Variants in MAN1B1 observed in about 807,000 individuals in gnomAD.
MAN1B1 encodes the protein mannosidase alpha class 1B member 1, also known as endoplasmic reticulum mannosyl-oligosaccharide 1,2-alpha-mannosidase.
Under a neutral mutation model 75.5 loss-of-function variants are expected in MAN1B1, and 66 were observed. That is an observed-to-expected ratio of 0.87 (90% CI 0.72 to 1.07). The LOEUF is 1.07. Among genes scored for constraint, MAN1B1 ranks in the 50% least tolerant of loss-of-function variants. The pLI is 0.00. For missense variants in MAN1B1, 973 were observed against 912.5 expected (o/e 1.07, Z -0.85); for synonymous variants, 453 against 382.8 (o/e 1.18, Z -2.14).
intron 10 of MAN1B1, 80 bp from the exon 11 acceptor site, chr9:137,107,170 C>A: frequency 6.8e-7 from 1 of 1,474,742 alleles, no homozygotes; most frequent in Non-Finnish European, 9.3e-7. Context: ...CAGCGCTGGG[C>A]TCCCACGTTG....
chr9:137,096,350 G>A lies in MAN1B1; in HGVS notation c.579G>A (p.Val193=). ...CCACAAAAAGGCAAGAAGCCCCTGT[G>A]GATCCCCGCCCGGAAGGAGATCCGC... ...EEATKRQEAP[V]DPRPEGDPQR... The change falls in exon 4 of 13, where the codon GTG becomes GTA. Residue 193 remains valine, a synonymous_variant. Transcript: ENST00000371589. 1 of 1,613,944 alleles carries A rather than the reference G, an allele frequency of 6.2e-7. No individual in the cohort carries two copies. The highest frequency in any genetic ancestry group is 8.5e-7 in the Non-Finnish European group (1 of 1,180,016).
intron 7 of MAN1B1, 38 bp from the exon 8 acceptor site, chr9:137,101,446 G>T: frequency 6.2e-7 from 1 of 1,600,232 alleles, no homozygotes; most frequent in Non-Finnish European, 8.6e-7. Context: ...GCCTCTGGGT[G>T]ACCTGAACGT....
chr9:137,087,999 C>T (rs898651744), intron 1 of MAN1B1, 76 bp from the exon 2 acceptor site: 40 of 1,133,064 alleles, frequency 3.5e-5, no homozygotes, highest in Non-Finnish European at 5.0e-5. Context: ...TCCTTATTGT[C>T]CTCACAGTTT....
rs374022957 is a variant in MAN1B1, at chr9:137,103,451, TACAC to T, written c.1254+1783_1254+1786del. ...GTGCAGGCATGCAGGTCGGTGGTGT[TACAC>T]ACAACGCTGTTGCAGGCGTGCAGGT... On this transcript the variant is annotated intron_variant, in intron 8 of 12. Coordinates refer to ENST00000371589, the MANE Select transcript of MAN1B1 (RefSeq NM_016219.5). 3.0e-3 allele frequency: 1,266 copies of T among 417,040 alleles called. 15 individuals carry two copies. The highest frequency in any genetic ancestry group is 0.022 in the African/African-American group (884 of 40,388). The allele number at this position is 417,040 out of a possible 1,614,324, so 25.8% of individuals were successfully genotyped here. A position where few individuals can be genotyped will look rare whatever the true frequency, so the allele number is the denominator to read the frequency against.
Position 137,101,092 on chromosome 9 carries a change from TC to T in MAN1B1, c.1006del (p.Leu336TrpfsTer5), listed in dbSNP as rs1192380469. 2 of 1,614,056 alleles carry T rather than the reference TC, an allele frequency of 1.2e-6. No individual in the cohort carries two copies. Among genetic ancestry groups the T allele is most frequent in the Non-Finnish European group, 1.7e-6 (2 of 1,180,044 alleles). ...AACCTGTTTGAGAGCACGATCCGCATCCTGGGGGGGCTCCTGAGTGCCTACC... is the reference window on the plus strand; with the variant it reads ...AACCTGTTTGAGAGCACGATCCGCATCTGGGGGGGCTCCTGAGTGCCTACC... ...DVNLFESTIR[I>X]LGGLLSAYHL... On this transcript the variant is annotated frameshift_variant, in exon 7 of 13. Transcript: ENST00000371589. LOFTEE classifies it high-confidence loss of function.
chr9:137,104,213 G>T, intron 8 of MAN1B1: 2 of 379,948 alleles, frequency 5.3e-6, no homozygotes, highest in Admixed American at 3.3e-5. Context: ...TCGTGTGAGT[G>T]CAGTCACACA....
At position 137,108,430 on chromosome 9, in the gene MAN1B1, C is replaced by T. The variant is rs752302022; in HGVS notation, c.1939C>T (p.Pro647Ser). Reference protein sequence around the residue: ...GYSSINNVQDPQKPEPRDKME... With the variant: ...GYSSINNVQDSQKPEPRDKME... Reference sequence around the variant, plus strand: ...TTCTTCCATCAACAATGTCCAGGATCCTCAGAAGCCCGAGCCTAGGGACAA... The same window carrying T: ...TTCTTCCATCAACAATGTCCAGGATTCTCAGAAGCCCGAGCCTAGGGACAA... Residue 647 changes from proline to serine, a missense_variant, in exon 13 of 13, where the codon CCT becomes TCT. Physicochemically the swap from Pro to Ser is moderately conservative, Grantham distance 74. Transcript: ENST00000371589. 1 of 1,613,912 alleles carries T rather than the reference C, an allele frequency of 6.2e-7. No homozygotes were observed. The highest frequency in any genetic ancestry group is 1.1e-5 in the South Asian group (1 of 91,086).
chr9:137,108,274 C>T (rs1831188701), intron 12 of MAN1B1, 114 bp from the exon 13 acceptor site: 2 of 974,118 alleles, frequency 2.1e-6, no homozygotes, highest in Non-Finnish European at 3.2e-6. Flanking sequence ...GCCCTCCACC[C>T]TGAGCTTGCG....
At chr9:137,089,345 A>T in intron 3 of MAN1B1, 1 of 378,458 alleles carries the variant, frequency 2.6e-6, no homozygotes, top group Non-Finnish European at 5.0e-6. Flanking sequence ...TGTACATCCT[A>T]TGTGGAAAAG....
intron 4 of MAN1B1, 44 bp downstream of exon 4, chr9:137,096,435 A>G (rs755039061): frequency 8.1e-6 from 13 of 1,603,454 alleles, no homozygotes; most frequent in Non-Finnish European, 1.1e-5. Context: ...TCAGGGCTTG[A>G]TGTTCCGAAA....
Position 137,099,959 on chromosome 9 carries a change from G to A in MAN1B1, c.916+78G>A, listed in dbSNP as rs117114693. On this transcript the variant is annotated intron_variant, in intron 6 of 12. Coordinates refer to ENST00000371589, the MANE Select transcript of MAN1B1 (RefSeq NM_016219.5). ...CTGAGGCAGAGTGTGGGTTGCACAC[G>A]GGGTGAAAGCTGCTGTTTGCATCTG... 0.028 allele frequency: 42,920 copies of A among 1,525,098 alleles called. 719 individuals carry two copies. The highest frequency in any genetic ancestry group is 0.04 in the Middle Eastern group (215 of 5,400). 94.5% of individuals were successfully genotyped at this position (1,525,098 alleles called of 1,614,324 possible).
At chr9:137,101,382 A>AC in intron 7 of MAN1B1, 102 bp from the exon 8 acceptor site, 1 of 1,225,734 alleles carries the variant, frequency 8.2e-7, no homozygotes, top group Non-Finnish European at 1.2e-6. Flanking sequence ...TGCTGTGTTG[A>AC]CCCCAGAGAG....
chr9:137,088,833 T>C (rs1275115166), intron 2 of MAN1B1, 36 bp from the exon 3 acceptor site: 1 of 1,612,658 alleles, frequency 6.2e-7, no homozygotes. Context: ...GTAGGCCTTG[T>C]GGCATATTTG....
chr9:137,106,095 G>A (rs747122367), intron 8 of MAN1B1, 30 bp from the exon 9 acceptor site: 2 of 1,598,062 alleles, frequency 1.3e-6, no homozygotes, highest in African/African-American at 1.3e-5. Flanking sequence ...GCCCTGGCCA[G>A]TAAACCCACC....
Position 137,101,635 on chromosome 9 carries a change from G to C in MAN1B1, c.1217G>C (p.Arg406Pro), listed in dbSNP as rs768531325. The C allele has an allele frequency of 1.2e-6, 2 of 1,613,236 alleles. No homozygotes were observed. The highest frequency in any genetic ancestry group is 1.1e-5 in the South Asian group (1 of 91,084). Reference sequence around the variant, plus strand: ...GTGACCAGCATTCAGCTGGAGTTCCGGGAGCTCTCCCGTCTCACAGGGGAT... The same window carrying C: ...GTGACCAGCATTCAGCTGGAGTTCCCGGAGCTCTCCCGTCTCACAGGGGAT... Reference protein sequence around the residue: ...AEVTSIQLEFRELSRLTGDKK... With the variant: ...AEVTSIQLEFPELSRLTGDKK... Residue 406 changes from arginine to proline, a missense_variant, in exon 8 of 13, where the codon CGG (arginine) becomes CCG (proline). Transcript: ENST00000371589.
At position 137,102,328 on chromosome 9, in the gene MAN1B1, C is replaced by G. The variant is rs1272548757; in HGVS notation, c.1254+656C>G. 1.9e-5 allele frequency: 8 copies of G among 411,922 alleles called. No individual in the cohort carries two copies. In the East Asian group the frequency reaches 6.7e-4, roughly 34 times the overall value. 25.5% of individuals were successfully genotyped at this position (411,922 alleles called of 1,614,324 possible). On this transcript the variant is annotated intron_variant, in intron 8 of 12. Transcript: ENST00000371589. ...AGGTCGGTGGTGTTACACATTCACG[C>G]TGTTGCAGGCGTGCAGGTCGGTGGT... is the stretch of plus-strand genomic sequence containing the variant.
chr9:137,097,765 G>A (rs1427520087), intron 4 of MAN1B1, 63 bp from the exon 5 acceptor site: 3 of 1,279,618 alleles, frequency 2.3e-6, no homozygotes, highest in East Asian at 2.5e-5. Context: ...TGGAGCGTGG[G>A]GGTGGGAAAC....
intron 9 of MAN1B1, 170 bp from the exon 10 acceptor site, chr9:137,106,519 G>GT: frequency 8.7e-7 from 1 of 1,152,224 alleles, no homozygotes; most frequent in Admixed American, 1.9e-5. Flanking sequence ...CTCTGGGGGG[G>GT]TGAGGGGGGC....
In MAN1B1 at chr9:137,088,757, A is replaced by G. The variant is rs1418280363; in HGVS notation, c.329-112A>G. On this transcript the variant is annotated intron_variant, in intron 2 of 12. Coordinates refer to ENST00000371589, the MANE Select transcript of MAN1B1 (RefSeq NM_016219.5). Reference sequence around the variant, plus strand: ...GAATTCATTTCAGTGACTATCAGGTATCATAATGTTGATTTGTAATGGATA... The same window carrying G: ...GAATTCATTTCAGTGACTATCAGGTGTCATAATGTTGATTTGTAATGGATA... 2.7e-6 allele frequency: 3 copies of G among 1,121,872 alleles called. No homozygotes were observed. The East Asian group carries it at 7.1e-5, about 27-fold the overall frequency. The allele number at this position is 1,121,872 out of a possible 1,614,324, so 69.5% of individuals were successfully genotyped here.
Sources: allele counts gnomAD v4.1 joint callset, GRCh38; gene constraint gnomAD v4.1.1; transcripts MANE v1.5; gene names NCBI Gene and HGNC (gene_info 2026-07-23, HGNC 2026-07-21).